STIM1: variants seen among roughly 807,000 people sequenced by gnomAD.
STIM1 encodes stromal interaction molecule 1.
A neutral mutation model predicts 74.7 loss-of-function variants in STIM1; 25 were observed. That is an observed-to-expected ratio of 0.33 (90% CI 0.24 to 0.47). The LOEUF (loss-of-function observed/expected upper bound fraction) is 0.47, where lower values mean the gene tolerates loss of function less well. STIM1 is among the 20% of genes least tolerant of loss of function. STIM1 has a pLI of 1.00. For synonymous variants in STIM1, 328 were observed against 348.8 expected, an observed-to-expected ratio of 0.94 and a Z score of 0.66; for missense variants, 728 against 920.8, an observed-to-expected ratio of 0.79 and a Z score of 2.71.
intron 1 of STIM1, among the ~76,000 whole-genome samples, chr11:3,950,805 TA>T (rs1274453556): frequency 6.6e-6 from 1 of 152,130 alleles, no homozygotes; most frequent in African/African-American, 2.4e-5. Context: ...TTTAAATTTT[TA>T]TTTTGTAGAG....
At chr11:4,027,760 G>A (rs1170590092) in intron 3 of STIM1, among the ~76,000 whole-genome samples, 3 of 152,164 alleles carry the variant, frequency 2.0e-5, no homozygotes, top group Admixed American at 2.0e-4. Flanking sequence ...GGTGTTGATG[G>A]TGGGAGTGTG....
chr11:4,006,856 A>G (rs2093787135), intron 2 of STIM1, among the ~76,000 whole-genome samples: 1 of 152,176 alleles, frequency 6.6e-6, no homozygotes, highest in Non-Finnish European at 1.5e-5. Context: ...GGTAAGTAGT[A>G]GGGAACAAGG....
intron 3 of STIM1, among the ~76,000 whole-genome samples, chr11:4,048,886 A>G (rs1298207277): frequency 6.6e-6 from 1 of 152,082 alleles, no homozygotes; most frequent in African/African-American, 2.4e-5. Context: ...GGTGCCCGCC[A>G]CCACGCCCAG....
intron 2 of STIM1, among the ~76,000 whole-genome samples, chr11:3,991,978 A>G (rs1281469544): frequency 6.7e-6 from 1 of 149,556 alleles, no homozygotes; most frequent in East Asian, 1.9e-4. Flanking sequence ...AAAAAGAAAA[A>G]AAAAAAAAAT....
intron 1 of STIM1, among the ~76,000 whole-genome samples, chr11:3,866,527 G>T (rs1321029545): frequency 1.3e-5 from 2 of 151,284 alleles, no homozygotes; most frequent in African/African-American, 4.9e-5. Context: ...CCTGGGTTCC[G>T]GTGATTCTCC....
At chr11:3,895,626 C>CTTTCTT (rs2092051913) in intron 1 of STIM1, among the ~76,000 whole-genome samples, 1 of 41,654 alleles carries the variant, frequency 2.4e-5, no homozygotes, top group African/African-American at 2.1e-4. Context: ...TTCTTTCTTT[C>CTTTCTT]TTTCTTTCTT....
Position 3,855,976 on chromosome 11 carries a change from G to C in STIM1, c.-295G>C, listed in dbSNP as rs965814676. On this transcript the variant is annotated 5_prime_UTR_variant, in exon 1 of 13. Transcript: ENST00000526596. ...CAGGGGTGTAGTAATCTGCGGAGCT[G>C]ACAGCAGCCCCGCAGCCACCCTGCC... 1.1e-5 allele frequency: 5 copies of C among 470,896 alleles called. No individual in the cohort carries two copies. The highest frequency in any genetic ancestry group is 9.8e-5 in the African/African-American group (5 of 50,816). The allele number at this position is 470,896 out of a possible 1,614,324, so 29.2% of individuals were successfully genotyped here.
intron 2 of STIM1, among the ~76,000 whole-genome samples, chr11:3,993,559 G>A (rs1357428427): frequency 6.6e-6 from 1 of 152,180 alleles, no homozygotes; most frequent in Non-Finnish European, 1.5e-5. Context: ...GAGAGGCTCA[G>A]GCAGGAGAAA....
At chr11:4,027,116 A>G (rs2094003922) in intron 3 of STIM1, among the ~76,000 whole-genome samples, 1 of 152,170 alleles carries the variant, frequency 6.6e-6, no homozygotes, top group South Asian at 2.1e-4. Flanking sequence ...AGACATTCCT[A>G]TCACTGGGAA....
chr11:3,927,803 G>A (rs973966796), intron 1 of STIM1, among the ~76,000 whole-genome samples: 2 of 152,176 alleles, frequency 1.3e-5, no homozygotes, highest in Admixed American at 1.3e-4. Context: ...GTAAGTCTGA[G>A]TTACTCTTTT....
chr11:3,989,816 T>A (rs1289755374), intron 2 of STIM1, among the ~76,000 whole-genome samples: 1 of 152,232 alleles, frequency 6.6e-6, no homozygotes, highest in Non-Finnish European at 1.5e-5. Flanking sequence ...AGGCCTAAAA[T>A]ATTTACTGTC....
intron 1 of STIM1, among the ~76,000 whole-genome samples, chr11:3,917,755 G>A (rs1180382355): frequency 6.6e-6 from 1 of 152,096 alleles, no homozygotes; most frequent in African/African-American, 2.4e-5. Flanking sequence ...TTGAAGATGA[G>A]CTGAGGTTAT....
chr11:3,898,439 T>C (rs7936767), intron 1 of STIM1, among the ~76,000 whole-genome samples: 97,414 of 105,052 alleles, frequency 0.93, 45,096 homozygotes, highest in African/African-American at 0.96. Flanking sequence ...GAGTAGGTTG[T>C]GAAAATTTTC....
At chr11:3,875,859 A>T (rs2091293790) in intron 1 of STIM1, among the ~76,000 whole-genome samples, 1 of 152,196 alleles carries the variant, frequency 6.6e-6, no homozygotes, top group African/African-American at 2.4e-5. Context: ...TGAAACATGC[A>T]TTTTTGCTTT....
At chr11:4,062,859 C>G (rs1037576557) in intron 5 of STIM1, among the ~76,000 whole-genome samples, 1 of 147,724 alleles carries the variant, frequency 6.8e-6, no homozygotes, top group Non-Finnish European at 1.5e-5. Context: ...GGAAACAACT[C>G]AAGTGTCTGT....
intron 7 of STIM1, among the ~76,000 whole-genome samples, chr11:4,075,113 C>G (rs776776849): frequency 6.6e-6 from 1 of 151,652 alleles, no homozygotes; most frequent in East Asian, 1.9e-4. Context: ...TGCACTCCAG[C>G]CTGGGTGACA....
chr11:3,875,887 T>C (rs938742007), intron 1 of STIM1, among the ~76,000 whole-genome samples: 6 of 152,172 alleles, frequency 3.9e-5, no homozygotes, highest in Non-Finnish European at 8.8e-5. Flanking sequence ...TTTGATAACA[T>C]AGGCAACCTG....
intron 7 of STIM1, among the ~76,000 whole-genome samples, chr11:4,078,036 T>C (rs1565169196): frequency 2.6e-5 from 4 of 152,220 alleles, no homozygotes. Flanking sequence ...TCTTGATTAT[T>C]AGTCATATTT....
At chr11:3,958,228 G>A (rs1303067816) in intron 1 of STIM1, among the ~76,000 whole-genome samples, 1 of 152,190 alleles carries the variant, frequency 6.6e-6, no homozygotes, top group Admixed American at 6.6e-5. Context: ...GAGCTTAGAA[G>A]CTGAGTGCAG....
Sources: allele counts gnomAD v4.1 joint callset (sites outside exome capture counted in the v4.1 genomes callset), GRCh38; gene constraint gnomAD v4.1.1; transcripts MANE v1.5; gene names NCBI Gene and HGNC (gene_info 2026-07-23, HGNC 2026-07-21).